Variants in NOSTRIN observed in about 807,000 individuals in gnomAD.
NOSTRIN encodes nitric oxide synthase trafficking, also known as BM247 homolog.
A neutral mutation model predicts 59.0 loss-of-function variants in NOSTRIN; 63 were observed. The observed-to-expected ratio is 1.07, with a 90% CI of 0.87 to 1.32. NOSTRIN has a LOEUF of 1.32. Ranked by LOEUF, NOSTRIN falls within the 40% of genes most tolerant of loss-of-function variation. The probability of loss-of-function intolerance (pLI) is 0.00; values close to 1 mark genes in which losing one functional copy is unlikely to be tolerated. For synonymous variants in NOSTRIN, 200 were observed against 165.4 expected (o/e 1.21, Z -1.61); for missense variants, 512 against 473.1 (o/e 1.08, Z -0.76).
At position 168,807,592 on chromosome 2, in the gene NOSTRIN, TAAC is replaced by T. The variant is rs768972340; in HGVS notation, c.28-3969_28-3967del. On this transcript the variant is annotated intron_variant, in intron 1 of 15. Transcript: ENST00000317647. ...CACATCTCTTATCTGATCGCTAAAT[TAAC>T]AACAAGTATGAAGATCTTCTCAACT... Among the ~76,000 whole-genome samples the T allele has an allele frequency of 1.1e-4, 16 of 152,318 alleles. No individual in the cohort carries two copies. In the South Asian group the frequency reaches 1.9e-3, roughly 18 times the overall value.
chr2:168,828,623 A>C, intron 5 of NOSTRIN, 122 bp downstream of exon 5: 1 of 422,944 alleles, frequency 2.4e-6, no homozygotes, highest in Non-Finnish European at 4.2e-6. Flanking sequence ...AAAATAAAAT[A>C]AATACTTTTA....
chr2:168,831,603 A>G, intron 6 of NOSTRIN, 69 bp downstream of exon 6: 1 of 785,064 alleles, frequency 1.3e-6, no homozygotes, highest in Non-Finnish European at 2.3e-6. Context: ...TTTCATACAA[A>G]TGCGATGACA....
At chr2:168,801,262 T>C (rs1685606586), upstream of NOSTRIN, 1 of 151,518 alleles carries the variant, frequency 6.6e-6, no homozygotes, top group African/African-American at 2.4e-5. Flanking sequence ...GAAGCTTTTT[T>C]TTTTTTTTTT....
chr2:168,810,342 A>G (rs1686066964), intron 1 of NOSTRIN, among the ~76,000 whole-genome samples: 1 of 152,204 alleles, frequency 6.6e-6, no homozygotes. Context: ...CCTGTATCCT[A>G]GGCGTTGGTT....
At chr2:168,861,496 A>G (rs1559144844) in intron 14 of NOSTRIN, among the ~76,000 whole-genome samples, 1 of 152,184 alleles carries the variant, frequency 6.6e-6, no homozygotes, top group Non-Finnish European at 1.5e-5. Flanking sequence ...AAAAAAAAAA[A>G]AAGAACTTCA....
intron 15 of NOSTRIN, chr2:168,863,491 A>G: frequency 1.0e-6 from 1 of 985,402 alleles, no homozygotes; most frequent in Non-Finnish European, 1.2e-6. Context: ...TGAAGGGGGC[A>G]GATCTTTCTA....
At chr2:168,864,630 A>G (rs1450406195) in intron 15 of NOSTRIN, among the ~76,000 whole-genome samples, 1 of 152,132 alleles carries the variant, frequency 6.6e-6, no homozygotes, top group Non-Finnish European at 1.5e-5. Flanking sequence ...TCAGTTGTTC[A>G]TTATCTTACT....
At chr2:168,810,235 A>G (rs10490707) in intron 1 of NOSTRIN, among the ~76,000 whole-genome samples, 2,594 of 152,282 alleles carry the variant, frequency 0.017, 87 homozygotes, top group East Asian at 0.11. Context: ...CTCTCCTTGT[A>G]TCCCAAGCAG....
upstream of NOSTRIN, among the ~76,000 whole-genome samples, chr2:168,800,551 G>C (rs1685584465): frequency 6.6e-6 from 1 of 152,178 alleles, no homozygotes; most frequent in Non-Finnish European, 1.5e-5. Context: ...AGGTCTGAGG[G>C]AAAGCTAGTC....
In NOSTRIN at chr2:168,862,064, C is replaced by T; in HGVS notation, c.1384+15C>T. ...TTTGGAAAAGGGTAAGAATCATTCT[C>T]AAATATTTTAATTGCCTTCCCATAT... is the stretch of plus-strand genomic sequence containing the variant. On this transcript the variant is annotated intron_variant, in intron 15 of 15. Coordinates refer to ENST00000317647, the MANE Select transcript of NOSTRIN (RefSeq NM_001039724.4). 3.1e-6 allele frequency: 5 copies of T among 1,608,414 alleles called. No homozygotes were observed. Among genetic ancestry groups the T allele is most frequent in the Non-Finnish European group, 4.3e-6 (5 of 1,174,870 alleles).
At chr2:168,850,945 T>A (rs118103537) in intron 8 of NOSTRIN, 139 bp from the exon 9 acceptor site, 12 of 809,612 alleles carry the variant, frequency 1.5e-5, no homozygotes, top group Non-Finnish European at 2.3e-5. Context: ...CTCCCTCCAC[T>A]ATGGTTTGGA....
rs555465959 is a variant in NOSTRIN at position 168,829,107 on chromosome 2, T to C, written c.342+606T>C. Among the ~76,000 whole-genome samples, 35 of 152,204 alleles carry C rather than the reference T, an allele frequency of 2.3e-4. 1 individual carries two copies. The highest frequency in any genetic ancestry group is 4.9e-4 in the Non-Finnish European group (33 of 68,040). On this transcript the variant is annotated intron_variant, in intron 5 of 15. Transcript: ENST00000317647. Reference sequence around the variant, plus strand: ...ATGCTTTCTACGCTTATTAGCTTGGTATTATGTAAAGGTAATAATGAGTAC... The same window carrying C: ...ATGCTTTCTACGCTTATTAGCTTGGCATTATGTAAAGGTAATAATGAGTAC...
At chr2:168,837,791 A>T (rs762499387) in intron 7 of NOSTRIN, among the ~76,000 whole-genome samples, 1 of 152,210 alleles carries the variant, frequency 6.6e-6, no homozygotes, top group Non-Finnish European at 1.5e-5. Flanking sequence ...TACCTTAGTT[A>T]ACTTCTCGGA....
upstream of NOSTRIN, among the ~76,000 whole-genome samples, chr2:168,795,954 TA>T (rs1186071660): frequency 2.6e-5 from 4 of 152,232 alleles, no homozygotes; most frequent in African/African-American, 7.2e-5. Flanking sequence ...CCGAAACCCT[TA>T]AAAAATTTTT....
At chr2:168,797,405 T>C (rs989976305), upstream of NOSTRIN, among the ~76,000 whole-genome samples, 1 of 152,116 alleles carries the variant, frequency 6.6e-6, no homozygotes, top group East Asian at 1.9e-4. Flanking sequence ...CCTAAACTAA[T>C]ACTTTCAACA....
intron 11 of NOSTRIN, chr2:168,855,801 TGA>T (rs1479360174): frequency 9.0e-6 from 4 of 442,606 alleles, no homozygotes; most frequent in African/African-American, 2.0e-5. Context: ...CAACTGTGCA[TGA>T]GAGTTTTGGA....
intron 10 of NOSTRIN, among the ~76,000 whole-genome samples, chr2:168,854,874 A>G (rs191553167): frequency 4.7e-4 from 72 of 152,330 alleles, no homozygotes; most frequent in African/African-American, 1.7e-3. Flanking sequence ...CATTCTGGAA[A>G]GAGCATATGT....
In NOSTRIN at chr2:168,841,790, T is replaced by C. The variant is rs148602348; in HGVS notation, c.505-1202T>C. On this transcript the variant is annotated intron_variant, in intron 7 of 15. Transcript: ENST00000317647. ...ATACAAATGTATTTGATCATAGTTT[T>C]ATGTGACATGGGAGCCTTCAGAACG... is the stretch of plus-strand genomic sequence containing the variant. Among the ~76,000 whole-genome samples the C allele has an allele frequency of 9.0e-3, 1,368 of 152,336 alleles. 22 individuals carry two copies. Among genetic ancestry groups the C allele is most frequent in the African/African-American group, 0.03 (1,247 of 41,570 alleles).
Position 168,863,310 on chromosome 2 carries a change from A to G in NOSTRIN, c.1384+1261A>G, listed in dbSNP as rs900339597. ...AGACCGAGAATAATGTCCTTTAAGA[A>G]TAGTGATTTATGACTAAGAAAATGT... On this transcript the variant is annotated intron_variant, in intron 15 of 15. Coordinates refer to ENST00000317647, the MANE Select transcript of NOSTRIN (RefSeq NM_001039724.4). The G allele has an allele frequency of 1.0e-5, 7 of 686,824 alleles. No individual in the cohort carries two copies. The African/African-American group carries it at 1.2e-4, about 11-fold the overall frequency. The allele number at this position is 686,824 out of a possible 1,614,324, so 42.5% of individuals were successfully genotyped here.
Sources: allele counts gnomAD v4.1 joint callset (sites outside exome capture counted in the v4.1 genomes callset), GRCh38; gene constraint gnomAD v4.1.1; transcripts MANE v1.5; gene names NCBI Gene and HGNC (gene_info 2026-07-23, HGNC 2026-07-21).